Variants in NBAS observed in about 807,000 individuals in gnomAD.
NBAS encodes NAG/BC035112 fusion.
NBAS carries 219 observed loss-of-function variants against 302.5 expected under a neutral mutation model. That is an observed-to-expected ratio of 0.72 (90% CI 0.65 to 0.81). NBAS has a LOEUF of 0.81. NBAS is among the 30% of genes least tolerant of loss of function. NBAS has a pLI of 0.00. For synonymous variants in NBAS, 1,118 were observed against 1,021.6 expected (o/e 1.09, Z -1.80); for missense variants, 2,932 against 2,841.6 (o/e 1.03, Z -0.72).
At chr2:15,311,250 A>AGGTTTT in intron 38 of NBAS, among the ~76,000 whole-genome samples, 1 of 152,346 alleles carries the variant, frequency 6.6e-6, no homozygotes, top group East Asian at 1.9e-4. Flanking sequence ...AGTTTAGTTC[A>AGGTTTT]GGTTTTGATG....
rs184470460 is a variant in NBAS at position 15,446,008 on chromosome 2, C to T, written c.2339+15193G>A. ...TAATAGAAACAATCCAAAATAAAAT[C>T]AGTATAAAAAAGAAACTTTTTAAAA... On this transcript the variant is annotated intron_variant, in intron 21 of 51. Transcript: ENST00000281513. 5.4e-3 allele frequency among the ~76,000 whole-genome samples: 800 copies of T among 148,928 alleles called. 6 individuals are homozygous for T. Among genetic ancestry groups the T allele is most frequent in the South Asian group, 8.1e-3 (38 of 4,680 alleles).
intron 25 of NBAS, among the ~76,000 whole-genome samples, chr2:15,414,357 A>G (rs573723972): frequency 1.3e-5 from 2 of 152,330 alleles, no homozygotes; most frequent in Admixed American, 1.3e-4. Context: ...TGAGCCCTAC[A>G]TGGGGCTTCC....
At chr2:14,807,587 A>G in the NBAS span, among the ~76,000 whole-genome samples, 1 of 152,148 alleles carries the variant, frequency 6.6e-6, no homozygotes, top group Non-Finnish European at 1.5e-5. Context: ...TCAGGAAGAA[A>G]ATGAACATCT....
chr2:15,302,158 C>T (rs758633034), intron 40 of NBAS, among the ~76,000 whole-genome samples: 6 of 152,202 alleles, frequency 3.9e-5, no homozygotes, highest in Non-Finnish European at 7.3e-5. Flanking sequence ...GTAACTCTCA[C>T]CCACTCACTG....
At chr2:15,013,359 T>C in the NBAS span, among the ~76,000 whole-genome samples, 36 of 151,796 alleles carry the variant, frequency 2.4e-4, no homozygotes, top group African/African-American at 8.2e-4. Flanking sequence ...CAAAAATAAA[T>C]AATAATAGAA....
rs1669047541 is a variant in NBAS at position 15,265,731 on chromosome 2, T to G, written c.5724+9753A>C. Among the ~76,000 whole-genome samples the G allele has an allele frequency of 2.0e-5, 3 of 152,228 alleles. No individual in the cohort carries two copies. The South Asian group carries it at 6.2e-4, about 31-fold the overall frequency. ...TATGTAGGTAAGGAAACCTAATATT[T>G]GTACTTTATAGTACAGAACTGCCTG... On this transcript the variant is annotated intron_variant, in intron 44 of 51. Transcript: ENST00000281513.
At chr2:15,305,885 A>T (rs1293677575) in intron 40 of NBAS, among the ~76,000 whole-genome samples, 1 of 152,224 alleles carries the variant, frequency 6.6e-6, no homozygotes, top group Non-Finnish European at 1.5e-5. Flanking sequence ...GAAGAGTGAG[A>T]TCTAATTTCA....
intron 21 of NBAS, among the ~76,000 whole-genome samples, chr2:15,429,625 T>C (rs57181307): frequency 0.012 from 1,857 of 152,226 alleles, 35 homozygotes; most frequent in African/African-American, 0.042. Context: ...CAGTTATTAT[T>C]ATTGGGGCAA....
In NBAS at chr2:15,186,785, AT is replaced by A. The variant is rs1367543388; in HGVS notation, c.6667del (p.Met2223CysfsTer17). ...CTTGGTGTTATACAAAGAGCGACAC[AT>A]TTTCAAAACTTCATTCCCCAATCCT... is the stretch of plus-strand genomic sequence containing the variant. Reference protein sequence around the residue: ...KEGLGNEVLKMCRSLYNTKQM... With the variant: ...KEGLGNEVLKXCRSLYNTKQM... On this transcript the variant is annotated frameshift_variant, in exon 50 of 52. Transcript: ENST00000281513. LOFTEE classifies it high-confidence loss of function. 1.2e-6 allele frequency: 2 copies of A among 1,613,718 alleles called. No individual in the cohort carries two copies. The highest frequency in any genetic ancestry group is 1.7e-6 in the Non-Finnish European group (2 of 1,179,972).
chr2:14,793,699 C>T, the NBAS span, among the ~76,000 whole-genome samples: 2 of 152,050 alleles, frequency 1.3e-5, no homozygotes, highest in African/African-American at 4.8e-5. Flanking sequence ...AGTCATACTT[C>T]TATACATTCA....
intron 44 of NBAS, among the ~76,000 whole-genome samples, chr2:15,257,419 GTCTC>G (rs1668652345): frequency 7.5e-6 from 1 of 132,666 alleles, no homozygotes; most frequent in East Asian, 2.6e-4. Flanking sequence ...TTTTTTTTGA[GTCTC>G]TCTCTGTCAC....
chr2:14,966,161 G>A, the NBAS span, among the ~76,000 whole-genome samples: 1 of 152,156 alleles, frequency 6.6e-6, no homozygotes, highest in Non-Finnish European at 1.5e-5. Flanking sequence ...GGGAGAGCAT[G>A]AACCTGGAAA....
the NBAS span, among the ~76,000 whole-genome samples, chr2:14,866,872 G>A: frequency 1.3e-5 from 2 of 152,278 alleles, no homozygotes; most frequent in Non-Finnish European, 1.5e-5. Flanking sequence ...CAGTATTTAA[G>A]TGGTATTCAT....
the NBAS span, among the ~76,000 whole-genome samples, chr2:15,098,618 T>G: frequency 1.5e-5 from 2 of 132,388 alleles, no homozygotes; most frequent in Non-Finnish European, 3.1e-5. Context: ...ATATAATGTA[T>G]TATATATTGT....
the NBAS span, among the ~76,000 whole-genome samples, chr2:14,814,284 G>T: frequency 6.6e-6 from 1 of 152,152 alleles, no homozygotes; most frequent in African/African-American, 2.4e-5. Flanking sequence ...CCCCCAAATG[G>T]TAGATCCACT....
At chr2:15,262,867 A>G (rs891047618) in intron 44 of NBAS, among the ~76,000 whole-genome samples, 3 of 152,224 alleles carry the variant, frequency 2.0e-5, no homozygotes, top group African/African-American at 7.2e-5. Flanking sequence ...TTCTATAATG[A>G]TTAAGGAACT....
chr2:15,108,783 T>C, the NBAS span, among the ~76,000 whole-genome samples: 140 of 152,228 alleles, frequency 9.2e-4, 2 homozygotes, highest in East Asian at 0.018. Flanking sequence ...ATTAGGGAGA[T>C]AGTCTTTTTT....
the NBAS span, among the ~76,000 whole-genome samples, chr2:15,034,227 AGAAAGAAG>A: frequency 2.0e-4 from 15 of 74,842 alleles, 1 homozygote; most frequent in East Asian, 3.7e-3. Flanking sequence ...AGAGAGGGAA[AGAAAGAAG>A]GAAAGAAAGA....
chr2:14,865,636 A>G, the NBAS span, among the ~76,000 whole-genome samples: 1 of 152,186 alleles, frequency 6.6e-6, no homozygotes, highest in Non-Finnish European at 1.5e-5. Context: ...TTAATCTAAT[A>G]TTGTTTTGTT....
Sources: allele counts gnomAD v4.1 joint callset (sites outside exome capture counted in the v4.1 genomes callset), GRCh38; gene constraint gnomAD v4.1.1; transcripts MANE v1.5; gene names NCBI Gene and HGNC (gene_info 2026-07-23, HGNC 2026-07-21).